PIK3CB: variants seen among roughly 807,000 people sequenced by gnomAD.
The protein encoded by PIK3CB is phosphatidylinositol-4,5-bisphosphate 3-kinase catalytic subunit beta.
Under a neutral mutation model 136.8 loss-of-function variants are expected in PIK3CB, and 39 were observed. The observed-to-expected ratio is 0.29, with a 90% CI of 0.22 to 0.37. PIK3CB has a LOEUF of 0.37. Among genes scored for constraint, PIK3CB ranks in the 10% least tolerant of loss-of-function variants. PIK3CB has a pLI of 1.00. For missense variants in PIK3CB, 868 were observed against 1,275.4 expected (o/e 0.68, Z 4.87); for synonymous variants, 428 against 436.6 (o/e 0.98, Z 0.25).
At chr3:138,683,634 T>C in intron 18 of PIK3CB, 44 bp downstream of exon 18, 3 of 1,045,702 alleles carry the variant, frequency 2.9e-6, no homozygotes, top group East Asian at 4.7e-5. Context: ...TGGCAACAAA[T>C]GAAAAATTCT....
intron 19 of PIK3CB, among the ~76,000 whole-genome samples, chr3:138,680,140 A>C (rs984754309): frequency 6.6e-6 from 1 of 152,048 alleles, no homozygotes; most frequent in African/African-American, 2.4e-5. Context: ...CAGGCAGATC[A>C]CAAGGTCAGG....
chr3:138,825,115 C>G, intron 1 of PIK3CB: 1 of 285,004 alleles, frequency 3.5e-6, no homozygotes, highest in Non-Finnish European at 6.4e-6. Flanking sequence ...TTCAAGTATG[C>G]CTGGGTCTTG....
intron 4 of PIK3CB, among the ~76,000 whole-genome samples, chr3:138,747,819 T>A (rs997033326): frequency 6.6e-6 from 1 of 152,216 alleles, no homozygotes; most frequent in African/African-American, 2.4e-5. Flanking sequence ...TATCCACGTA[T>A]AAGTGGCCCT....
At chr3:138,781,241 AAGATCT>A (rs2108788983) in intron 2 of PIK3CB, among the ~76,000 whole-genome samples, 1 of 152,082 alleles carries the variant, frequency 6.6e-6, no homozygotes, top group African/African-American at 2.4e-5. Context: ...ATAGTAAGCC[AAGATCT>A]TGGCACTGCA....
chr3:138,665,535 A>G (rs1343026055), intron 19 of PIK3CB, among the ~76,000 whole-genome samples: 4 of 152,220 alleles, frequency 2.6e-5, no homozygotes, highest in Non-Finnish European at 5.9e-5. Context: ...TGGGGAAATA[A>G]ACTACTCTTT....
chr3:138,826,300 T>C (rs1933779099), intron 1 of PIK3CB: 1 of 1,597,346 alleles, frequency 6.3e-7, no homozygotes, highest in African/African-American at 1.3e-5. Context: ...GGTCACCAAG[T>C]CTGCCCAGAA....
Position 138,800,634 on chromosome 3 carries a change from A to T in PIK3CB, c.-121-4067T>A, listed in dbSNP as rs140202842. On this transcript the variant is annotated intron_variant, in intron 1 of 23. Coordinates refer to ENST00000674063, the MANE Select transcript of PIK3CB (RefSeq NM_006219.3). ...ACCCAGCTACAACTCTATTATTATTATTATTTTTGAGACGGAGTCTCACTC... is the reference window on the plus strand; with the variant it reads ...ACCCAGCTACAACTCTATTATTATTTTTATTTTTGAGACGGAGTCTCACTC... Among the ~76,000 whole-genome samples the T allele has an allele frequency of 9.5e-3, 1,441 of 151,640 alleles. 15 individuals are homozygous for T. The highest frequency in any genetic ancestry group is 0.011 in the Non-Finnish European group (744 of 67,898).
At chr3:138,781,750 C>T (rs1404488152) in intron 2 of PIK3CB, among the ~76,000 whole-genome samples, 2 of 152,130 alleles carry the variant, frequency 1.3e-5, no homozygotes, top group South Asian at 2.1e-4. Flanking sequence ...CCACCGTGCC[C>T]GGCCCAAAAA....
At chr3:138,776,283 T>C (rs1373031565) in intron 2 of PIK3CB, among the ~76,000 whole-genome samples, 1 of 152,222 alleles carries the variant, frequency 6.6e-6, no homozygotes, top group Non-Finnish European at 1.5e-5. Context: ...AAATGTTTCC[T>C]GACTGAACGT....
chr3:138,804,231 A>G (rs139071058), intron 1 of PIK3CB, among the ~76,000 whole-genome samples: 1 of 152,314 alleles, frequency 6.6e-6, no homozygotes, highest in Non-Finnish European at 1.5e-5. Context: ...AGAAAAAAAC[A>G]GGCCAGGCAT....
At chr3:138,749,872 T>C (rs555866603) in intron 4 of PIK3CB, among the ~76,000 whole-genome samples, 1 of 152,272 alleles carries the variant, frequency 6.6e-6, no homozygotes, top group South Asian at 2.1e-4. Flanking sequence ...TACAATGTGA[T>C]AGAGTTTTTT....
intron 21 of PIK3CB, among the ~76,000 whole-genome samples, chr3:138,662,990 T>C (rs960354099): frequency 2.2e-4 from 33 of 152,312 alleles, no homozygotes; most frequent in African/African-American, 7.0e-4. Context: ...ATTCAGGACA[T>C]AGGCATGGGC....
intron 6 of PIK3CB, among the ~76,000 whole-genome samples, chr3:138,736,915 T>A (rs754733571): frequency 2.0e-4 from 31 of 152,152 alleles, no homozygotes; most frequent in Non-Finnish European, 3.8e-4. Context: ...AGCTAATGGA[T>A]AATCACAAAT....
At chr3:138,705,670 T>C (rs1264179610) in intron 11 of PIK3CB, among the ~76,000 whole-genome samples, 1 of 152,228 alleles carries the variant, frequency 6.6e-6, no homozygotes, top group East Asian at 1.9e-4. Context: ...CTTAAGTATT[T>C]ATAAAGTATA....
intron 2 of PIK3CB, among the ~76,000 whole-genome samples, chr3:138,781,266 T>C (rs1189679434): frequency 2.6e-4 from 39 of 149,374 alleles, no homozygotes; most frequent in Non-Finnish European, 5.5e-4. Context: ...CACTCTAGCC[T>C]GGGTGACAGA....
intron 1 of PIK3CB, among the ~76,000 whole-genome samples, chr3:138,806,337 T>C (rs1267792749): frequency 6.6e-6 from 1 of 151,956 alleles, no homozygotes; most frequent in Non-Finnish European, 1.5e-5. Context: ...AATACAAAAA[T>C]TAGCCAGGTG....
intron 19 of PIK3CB, among the ~76,000 whole-genome samples, chr3:138,678,730 A>C (rs971845804): frequency 9.2e-5 from 14 of 152,204 alleles, no homozygotes; most frequent in Non-Finnish European, 2.9e-5. Flanking sequence ...AATTTTGGAC[A>C]AAACAGACTA....
At chr3:138,769,422 C>T (rs2045773388) in intron 2 of PIK3CB, among the ~76,000 whole-genome samples, 1 of 152,048 alleles carries the variant, frequency 6.6e-6, no homozygotes, top group African/African-American at 2.4e-5. Context: ...AAAACTAGAC[C>T]CTTAACTAAT....
intron 1 of PIK3CB, among the ~76,000 whole-genome samples, chr3:138,805,921 G>T (rs1324159917): frequency 6.6e-6 from 1 of 151,242 alleles, no homozygotes; most frequent in East Asian, 2.0e-4. Flanking sequence ...GTAGAGATGG[G>T]GTTTCACCAC....
Sources: gnomAD v4.1 joint callset for allele counts (sites outside exome capture counted in the v4.1 genomes callset) on GRCh38, gnomAD v4.1.1 for gene constraint, MANE v1.5 for transcripts, NCBI Gene and HGNC (gene_info 2026-07-23, HGNC 2026-07-21) for gene names.